The following AMMECR1 variants were observed in gnomAD, a reference collection of about 807,000 sequenced individuals.
AMMECR1 encodes AMMECR nuclear protein 1.
AMMECR1 carries 3 observed loss-of-function variants against 22.5 expected under a neutral mutation model. That is an observed-to-expected ratio of 0.13 (90% CI 0.06 to 0.35). The LOEUF (loss-of-function observed/expected upper bound fraction) is 0.35, where lower values mean the gene tolerates loss of function less well. AMMECR1 is among the 10% of genes least tolerant of loss of function. The pLI is 1.00. For missense variants in AMMECR1, 235 were observed against 278.7 expected, an observed-to-expected ratio of 0.84 and a Z score of 1.12; for synonymous variants, 130 against 116.7, an observed-to-expected ratio of 1.11 and a Z score of -0.74.
chrX:110,216,901 C>T (rs1388556709), intron 2 of AMMECR1, among the ~76,000 whole-genome samples: 3 of 110,601 alleles, frequency 2.7e-5, no homozygotes, highest in Non-Finnish European at 3.8e-5. Context: ...ACAGCCATTT[C>T]CTGATGTCTT....
At chrX:110,361,352 T>G (rs748072977) in intron 2 of AMMECR1, among the ~76,000 whole-genome samples, 1 of 112,059 alleles carries the variant, frequency 8.9e-6, no homozygotes, top group East Asian at 2.8e-4. Flanking sequence ...CACAATGATC[T>G]GCTTCCTGGA....
At chrX:110,248,914 T>C (rs1241893403) in intron 2 of AMMECR1, among the ~76,000 whole-genome samples, 3 of 112,444 alleles carry the variant, frequency 2.7e-5, no homozygotes, top group East Asian at 2.8e-4. Flanking sequence ...GCAAATGTTG[T>C]ACAGAAAGAG....
At chrX:110,351,878 TA>T (rs762474322) in intron 2 of AMMECR1, among the ~76,000 whole-genome samples, 2,281 of 111,690 alleles carry the variant, frequency 0.02, 21 homozygotes, top group South Asian at 0.033. Flanking sequence ...CACAACTCAA[TA>T]AAAAAAGACA....
intron 2 of AMMECR1, among the ~76,000 whole-genome samples, chrX:110,407,999 G>A (rs1309730277): frequency 8.9e-6 from 1 of 112,537 alleles, no homozygotes; most frequent in African/African-American, 3.2e-5. Flanking sequence ...CAGAGTGGAA[G>A]AGCTGGCATA....
At chrX:110,265,203 G>A (rs2067761714) in intron 1 of AMMECR1, among the ~76,000 whole-genome samples, 1 of 111,097 alleles carries the variant, frequency 9.0e-6, no homozygotes, top group Non-Finnish European at 1.9e-5. Flanking sequence ...CTAATACAAG[G>A]AAAAAGGAAA....
chrX:110,209,332 C>A (rs2067436374), intron 3 of AMMECR1, among the ~76,000 whole-genome samples: 1 of 112,129 alleles, frequency 8.9e-6, no homozygotes, highest in Admixed American at 9.4e-5. Flanking sequence ...AAAACAATAA[C>A]ATTCTATAGT....
intron 2 of AMMECR1, among the ~76,000 whole-genome samples, chrX:110,410,372 G>A (rs756456747): frequency 2.2e-4 from 25 of 111,979 alleles, no homozygotes; most frequent in Non-Finnish European, 3.9e-4. Context: ...GTTTGGAAGT[G>A]AATCAACAAA....
chrX:110,346,992 G>A, intron 2 of AMMECR1: 2 of 490,295 alleles, frequency 4.1e-6, no homozygotes, highest in Middle Eastern at 6.8e-4. Flanking sequence ...TCATTTTTAA[G>A]ATGCTATTAG....
chrX:110,211,084 C>A (rs1366600573), intron 3 of AMMECR1, among the ~76,000 whole-genome samples: 3 of 112,122 alleles, frequency 2.7e-5, no homozygotes, highest in Non-Finnish European at 5.6e-5. Flanking sequence ...GAGAAAGTGA[C>A]TAATGGTTTG....
intron 2 of AMMECR1, among the ~76,000 whole-genome samples, chrX:110,217,425 A>T (rs1476796602): frequency 9.2e-6 from 1 of 108,730 alleles, no homozygotes; most frequent in Middle Eastern, 4.3e-3. Flanking sequence ...AGTGTAGGAT[A>T]TCATAGTGCC....
chrX:110,354,320 A>G (rs1465992274), intron 2 of AMMECR1, among the ~76,000 whole-genome samples: 2 of 112,199 alleles, frequency 1.8e-5, no homozygotes, highest in East Asian at 5.6e-4. Context: ...CTGTGGATCA[A>G]AAATATTCCC....
At chrX:110,287,040 AC>A (rs1451984425) in intron 1 of AMMECR1, among the ~76,000 whole-genome samples, 1 of 112,254 alleles carries the variant, frequency 8.9e-6, no homozygotes, top group Non-Finnish European at 1.9e-5. Context: ...CAATTATGAG[AC>A]CAGCTACTAT....
At chrX:110,367,260 C>G (rs1391266015) in intron 2 of AMMECR1, among the ~76,000 whole-genome samples, 1 of 111,998 alleles carries the variant, frequency 8.9e-6, no homozygotes, top group Non-Finnish European at 1.9e-5. Context: ...CCCCATTTCT[C>G]TCCTCCTCAG....
intron 1 of AMMECR1, among the ~76,000 whole-genome samples, chrX:110,431,285 T>C: frequency 9.2e-6 from 1 of 108,671 alleles, no homozygotes; most frequent in Middle Eastern, 4.6e-3. Context: ...GGCTCCAACA[T>C]GAAGTGAAGG....
chrX:110,339,969 AACATACACACAC>A (rs1444901161), intron 2 of AMMECR1, among the ~76,000 whole-genome samples: 4 of 90,049 alleles, frequency 4.4e-5, no homozygotes, highest in African/African-American at 1.8e-4. Context: ...TTGAAGGCAA[AACATACACACAC>A]ACACACACAC....
intron 1 of AMMECR1, among the ~76,000 whole-genome samples, chrX:110,299,396 G>T (rs143096085): frequency 0.024 from 2,681 of 111,689 alleles, 77 homozygotes; most frequent in African/African-American, 0.083. Flanking sequence ...GTGCTTTCAA[G>T]GATAACTTAT....
At chrX:110,243,848 A>G (rs2067645286) in intron 2 of AMMECR1, among the ~76,000 whole-genome samples, 1 of 111,782 alleles carries the variant, frequency 8.9e-6, no homozygotes, top group Non-Finnish European at 1.9e-5. Context: ...ATAATAATGT[A>G]TTACTCTATT....
At position 110,343,062 on chromosome X, in the gene AMMECR1, T is replaced by A. The variant is rs185160188; in HGVS notation, c.-147-25213A>T. Among the ~76,000 whole-genome samples, 198 of 111,485 alleles carry A rather than the reference T, an allele frequency of 1.8e-3. 1 individual carries two copies. Among genetic ancestry groups the A allele is most frequent in the Non-Finnish European group, 2.5e-3 (135 of 53,073 alleles). ...AAAAAAAGAGAATTTTAGACCAATA[T>A]CCCTGATGAACACTGATGCAAAAAT... On this transcript the variant is annotated intron_variant, in intron 2 of 7. Transcript: ENST00000372057.
chrX:110,390,035 T>C (rs752260065), intron 2 of AMMECR1, among the ~76,000 whole-genome samples: 4 of 112,101 alleles, frequency 3.6e-5, no homozygotes, highest in East Asian at 2.8e-4. Flanking sequence ...GTTGTTTTTT[T>C]TTCACTTGAA....
Sources: gnomAD v4.1 joint callset for allele counts (sites outside exome capture counted in the v4.1 genomes callset) on GRCh38, gnomAD v4.1.1 for gene constraint, MANE v1.5 for transcripts, NCBI Gene and HGNC (gene_info 2026-07-23, HGNC 2026-07-21) for gene names.